Variants in KLHL6 observed in about 807,000 individuals in gnomAD.
KLHL6 encodes kelch-like protein 6.
In KLHL6, 41 loss-of-function variants were observed where a neutral mutation model predicts 58.6. The observed-to-expected ratio is 0.70, with a 90% CI of 0.55 to 0.91. The LOEUF is 0.91. Ranked by LOEUF, KLHL6 falls within the 40% of genes least tolerant of loss-of-function variation. The probability of loss-of-function intolerance (pLI) is 0.00; values close to 1 mark genes in which losing one functional copy is unlikely to be tolerated. For synonymous variants in KLHL6, 338 were observed against 322.7 expected (o/e 1.05, Z -0.51); for missense variants, 714 against 805.6 (o/e 0.89, Z 1.38).
In KLHL6 at chr3:183,499,523, G is replaced by T; in HGVS notation, c.1147+67C>A. ...AGTAATTCTTCTAGGATGGTTGCCT[G>T]GCTGCCACTCAGGAATATATGTAGT... is the stretch of plus-strand genomic sequence containing the variant. On this transcript the variant is annotated intron_variant, in intron 4 of 6. Transcript: ENST00000341319. The surrounding 1 kb of genome is among the most constrained non-coding windows in gnomAD (Gnocchi z 4.6). 1 of 1,076,908 alleles carries T rather than the reference G, an allele frequency of 9.3e-7. No homozygotes were observed. The highest frequency in any genetic ancestry group is 1.4e-6 in the Non-Finnish European group (1 of 737,424). The allele number at this position is 1,076,908 out of a possible 1,614,324, so 66.7% of individuals were successfully genotyped here. A position where few individuals can be genotyped will look rare whatever the true frequency, so the allele number is the denominator to read the frequency against.
chr3:183,504,824 TGATA>T (rs1560094603), intron 3 of KLHL6, among the ~76,000 whole-genome samples: 1 of 152,202 alleles, frequency 6.6e-6, no homozygotes, highest in African/African-American at 2.4e-5. Flanking sequence ...GCATAGTACC[TGATA>T]GGTAGTTTTT....
chr3:183,515,442 G>T (rs1052897661), intron 2 of KLHL6, among the ~76,000 whole-genome samples: 6 of 152,146 alleles, frequency 3.9e-5, no homozygotes, highest in African/African-American at 1.4e-4. Flanking sequence ...CAGCTACTTG[G>T]GAAGCTGAGG....
At chr3:183,520,426 GAC>G (rs1025530637) in intron 2 of KLHL6, 2 of 152,096 alleles carry the variant, frequency 1.3e-5, no homozygotes, top group African/African-American at 2.4e-5. Context: ...AAAGAAATAA[GAC>G]ACAGAGACAA....
At chr3:183,533,568 G>T (rs564779967) in intron 1 of KLHL6, among the ~76,000 whole-genome samples, 2 of 151,924 alleles carry the variant, frequency 1.3e-5, no homozygotes, top group East Asian at 3.9e-4. Flanking sequence ...TCCGTGCCTG[G>T]CCACTCATCC....
At chr3:183,531,694 CCT>C (rs1384675801) in intron 1 of KLHL6, among the ~76,000 whole-genome samples, 1 of 152,126 alleles carries the variant, frequency 6.6e-6, no homozygotes, top group Non-Finnish European at 1.5e-5. Context: ...GATCTGCCCG[CCT>C]CTGCCTCCCA....
intron 2 of KLHL6, among the ~76,000 whole-genome samples, chr3:183,525,042 G>A (rs549602416): frequency 2.8e-4 from 42 of 152,116 alleles, no homozygotes; most frequent in African/African-American, 9.4e-4. Flanking sequence ...AAGGCAGGTG[G>A]ATCACAAGGT....
chr3:183,542,942 T>A (rs1399972322), intron 1 of KLHL6, among the ~76,000 whole-genome samples: 1 of 152,182 alleles, frequency 6.6e-6, no homozygotes, highest in Admixed American at 6.5e-5. Flanking sequence ...CTCAGCACTG[T>A]AGTTCTGAAA....
Position 183,492,251 on chromosome 3 carries a change from G to A in KLHL6, c.1565-23C>T, listed in dbSNP as rs904109256. The stretch of plus-strand genomic sequence containing the variant: ...CACCTGAGGAGAGGGAGGAAACACG[G>A]TGGGCATCGCTCCATTTTTCTGGTT... On this transcript the variant is annotated intron_variant, in intron 6 of 6. Transcript: ENST00000341319. This position sits in a 1 kb window ranked among gnomAD's most constrained non-coding sequence, Gnocchi z 5.9. 4 of 1,556,174 alleles carry A rather than the reference G, an allele frequency of 2.6e-6. No homozygotes were observed. Among genetic ancestry groups the A allele is most frequent in the Non-Finnish European group, 3.5e-6 (4 of 1,148,984 alleles).
chr3:183,534,117 C>CTTTTAAAGTACTTTAAAAGTACTTTAA (rs1712271042), intron 1 of KLHL6, among the ~76,000 whole-genome samples: 2 of 123,338 alleles, frequency 1.6e-5, no homozygotes, highest in African/African-American at 2.9e-5. Flanking sequence ...AAGTACTTTA[C>CTTTTAAAGTACTTTAAAAGTACTTTAA]TTTTAAAGTA....
intron 2 of KLHL6, among the ~76,000 whole-genome samples, chr3:183,514,885 G>T (rs1711514578): frequency 6.6e-6 from 1 of 152,008 alleles, no homozygotes; most frequent in South Asian, 2.1e-4. Context: ...GGCCATTCTG[G>T]TCTCGAACTC....
At chr3:183,520,153 A>G (rs1711708413) in intron 2 of KLHL6, 1 of 152,186 alleles carries the variant, frequency 6.6e-6, no homozygotes, top group Non-Finnish European at 1.5e-5. Flanking sequence ...GTCAATGTTG[A>G]TCTGACTGGT....
At chr3:183,515,104 G>A (rs1711516609) in intron 2 of KLHL6, among the ~76,000 whole-genome samples, 1 of 152,196 alleles carries the variant, frequency 6.6e-6, no homozygotes, top group African/African-American at 2.4e-5. Flanking sequence ...GCAGGGGACA[G>A]GTGAGTTACT....
Position 183,492,753 on chromosome 3 carries a change from C to G in KLHL6, c.1351-46G>C. On this transcript the variant is annotated intron_variant, in intron 5 of 6. Coordinates refer to ENST00000341319, the MANE Select transcript of KLHL6 (RefSeq NM_130446.4). The surrounding 1 kb of genome is among the most constrained non-coding windows in gnomAD (Gnocchi z 5.9). ...AGAAGAAGCTGTCAGTCATGCTGCC[C>G]AGATTGCTGCAGTAGCTCCCAGGAT... 6.4e-7 allele frequency: 1 copy of G among 1,560,194 alleles called. No individual in the cohort carries two copies. Among genetic ancestry groups the G allele is most frequent in the Non-Finnish European group, 8.8e-7 (1 of 1,135,990 alleles).
intron 4 of KLHL6, among the ~76,000 whole-genome samples, chr3:183,498,776 G>A (rs1021817694): frequency 1.3e-5 from 2 of 152,180 alleles, no homozygotes; most frequent in South Asian, 2.1e-4. Context: ...GGAACTCCAG[G>A]TCTAATGGGA....
intron 2 of KLHL6, among the ~76,000 whole-genome samples, chr3:183,523,673 T>G (rs1204274644): frequency 6.9e-6 from 1 of 145,802 alleles, no homozygotes; most frequent in Non-Finnish European, 1.5e-5. Flanking sequence ...CTTTCATGAG[T>G]TGGTTTTTTT....
At chr3:183,519,556 T>A (rs1456306253) in intron 2 of KLHL6, among the ~76,000 whole-genome samples, 1 of 152,082 alleles carries the variant, frequency 6.6e-6, no homozygotes, top group Admixed American at 6.6e-5. Flanking sequence ...ACTGGTAGAA[T>A]GAGAGCTCAG....
At chr3:183,507,557 G>A (rs1205663275) in intron 3 of KLHL6, among the ~76,000 whole-genome samples, 2 of 151,866 alleles carry the variant, frequency 1.3e-5, no homozygotes, top group African/African-American at 2.4e-5. Flanking sequence ...TCAGCCTCCC[G>A]AGTAGCTGAG....
At chr3:183,547,052 C>A (rs574756066) in intron 1 of KLHL6, among the ~76,000 whole-genome samples, 1 of 152,146 alleles carries the variant, frequency 6.6e-6, no homozygotes, top group East Asian at 1.9e-4. Context: ...GCTGGGACTA[C>A]AGGCACACGC....
intron 3 of KLHL6, among the ~76,000 whole-genome samples, chr3:183,507,380 G>T (rs919882955): frequency 1.3e-5 from 2 of 152,052 alleles, no homozygotes; most frequent in African/African-American, 2.4e-5. Context: ...CACCCCCATG[G>T]AATAGTGACT....
Sources: allele counts gnomAD v4.1 joint callset (sites outside exome capture counted in the v4.1 genomes callset), GRCh38; gene constraint gnomAD v4.1.1; non-coding constraint Gnocchi (gnomAD v3.1); transcripts MANE v1.5; gene names NCBI Gene and HGNC (gene_info 2026-07-23, HGNC 2026-07-21).